The following JAKMIP2 variants were observed in gnomAD, a reference collection of about 807,000 sequenced individuals.
JAKMIP2 encodes the protein janus kinase and microtubule interacting protein 2.
In JAKMIP2, 25 loss-of-function variants were observed where a neutral mutation model predicts 115.0. That is an observed-to-expected ratio of 0.22 (90% CI 0.16 to 0.30). The LOEUF is 0.30. Ranked by LOEUF, JAKMIP2 falls within the 10% of genes least tolerant of loss-of-function variation. The probability of loss-of-function intolerance (pLI) is 1.00; values close to 1 mark genes in which losing one functional copy is unlikely to be tolerated. For missense variants in JAKMIP2, 642 were observed against 957.6 expected, an observed-to-expected ratio of 0.67 and a Z score of 4.35; for synonymous variants, 334 against 343.6, an observed-to-expected ratio of 0.97 and a Z score of 0.31.
intron 1 of JAKMIP2, among the ~76,000 whole-genome samples, chr5:147,710,419 G>A (rs1020488164): frequency 2.0e-5 from 3 of 152,146 alleles, no homozygotes; most frequent in Non-Finnish European, 4.4e-5. Flanking sequence ...TTTATATACA[G>A]CAAAATGTCA....
intron 3 of JAKMIP2, among the ~76,000 whole-genome samples, chr5:147,656,272 A>C (rs1362248809): frequency 6.6e-6 from 1 of 152,172 alleles, no homozygotes; most frequent in African/African-American, 2.4e-5. Context: ...TGATCTGTCT[A>C]ATGTTGACAG....
At chr5:147,773,387 T>C (rs1755437865) in intron 1 of JAKMIP2, among the ~76,000 whole-genome samples, 1 of 152,158 alleles carries the variant, frequency 6.6e-6, no homozygotes, top group African/African-American at 2.4e-5. Flanking sequence ...TACAGTTGAC[T>C]ACACGGCCAA....
intron 21 of JAKMIP2, among the ~76,000 whole-genome samples, chr5:147,592,587 C>T (rs1022422254): frequency 1.3e-5 from 2 of 152,120 alleles, no homozygotes; most frequent in African/African-American, 4.8e-5. Flanking sequence ...GCTATCATGT[C>T]CTACTTAAGG....
At chr5:147,681,837 C>A (rs990808003) in intron 1 of JAKMIP2, among the ~76,000 whole-genome samples, 1 of 151,852 alleles carries the variant, frequency 6.6e-6, no homozygotes, top group Admixed American at 6.6e-5. Flanking sequence ...AGTCCAGGAG[C>A]TCCAGACCAG....
chr5:147,698,923 T>C (rs558223833), intron 1 of JAKMIP2, among the ~76,000 whole-genome samples: 1 of 152,264 alleles, frequency 6.6e-6, no homozygotes, highest in East Asian at 1.9e-4. Flanking sequence ...CATAGAAAAA[T>C]GCCACCTCCT....
At chr5:147,592,910 G>A (rs908528881) in intron 21 of JAKMIP2, among the ~76,000 whole-genome samples, 6 of 152,190 alleles carry the variant, frequency 3.9e-5, no homozygotes, top group African/African-American at 1.2e-4. Flanking sequence ...CCCAAGACAA[G>A]GTTAGACTGG....
chr5:147,678,499 T>C (rs1760091449), intron 1 of JAKMIP2, among the ~76,000 whole-genome samples: 1 of 152,260 alleles, frequency 6.6e-6, no homozygotes, highest in Non-Finnish European at 1.5e-5. Flanking sequence ...TAGTACTTTA[T>C]ACCACATTCT....
At position 147,782,391 on chromosome 5, in the gene JAKMIP2, A is replaced by G. The variant is rs1354370309; in HGVS notation, c.-149+65T>C. 2.7e-6 allele frequency: 4 copies of G among 1,493,780 alleles called. No homozygotes were observed. The East Asian group carries it at 7.4e-5, about 28-fold the overall frequency. The allele number at this position is 1,493,780 out of a possible 1,614,324, so 92.5% of individuals were successfully genotyped here. On this transcript the variant is annotated intron_variant, in intron 1 of 21. Coordinates refer to ENST00000616793, the MANE Select transcript of JAKMIP2 (RefSeq NM_001270941.2). The stretch of plus-strand genomic sequence containing the variant: ...GTCATTGTTCAAGTTCAGGCCAGAA[A>G]TGTATACACAGGTCAAATAAGAACA...
At position 147,591,701 on chromosome 5, in the gene JAKMIP2, A is replaced by G. The variant is rs771930793; in HGVS notation, c.*21-15T>C. 8 of 1,510,124 alleles carry G rather than the reference A, an allele frequency of 5.3e-6. No individual in the cohort carries two copies. The highest frequency in any genetic ancestry group is 4.2e-5 in the African/African-American group (3 of 72,218). 93.5% of individuals were successfully genotyped at this position (1,510,124 alleles called of 1,614,324 possible). A position where few individuals can be genotyped will look rare whatever the true frequency, so the allele number is the denominator to read the frequency against. ...TTTCGGTTACTCTGCAAAACAGAGG[A>G]AAAAAATTATTTATATATCAATTTT... On this transcript the variant is annotated splice_polypyrimidine_tract_variant and intron_variant, in intron 21 of 21. Transcript: ENST00000616793.
Position 147,616,714 on chromosome 5 carries a change from C to T in JAKMIP2, c.2346+1197G>A, listed in dbSNP as rs74984843. 6.5e-3 allele frequency among the ~76,000 whole-genome samples: 982 copies of T among 152,222 alleles called. 53 individuals are homozygous for T. The East Asian group carries it at 0.13, about 20-fold the overall frequency. Reference sequence around the variant, plus strand: ...TAAGAAGTCTTTCCATGGGTCAAAACTCAAACTTTTGTGATGGAATCTGAA... The same window carrying T: ...TAAGAAGTCTTTCCATGGGTCAAAATTCAAACTTTTGTGATGGAATCTGAA... On this transcript the variant is annotated intron_variant, in intron 19 of 21. Transcript: ENST00000616793.
In JAKMIP2 at chr5:147,591,489, G is replaced by T; in HGVS notation, c.*218C>A. 1 of 636,658 alleles carries T rather than the reference G, an allele frequency of 1.6e-6. No individual in the cohort carries two copies. Among genetic ancestry groups the T allele is most frequent in the Non-Finnish European group, 2.8e-6 (1 of 355,028 alleles). The allele number at this position is 636,658 out of a possible 1,614,324, so 39.4% of individuals were successfully genotyped here. A position where few individuals can be genotyped will look rare whatever the true frequency, so the allele number is the denominator to read the frequency against. ...TGTTTCATTAAATGCAGCATATATT[G>T]TAGATTTTCAACAGGGTTGTGTAGG... On this transcript the variant is annotated 3_prime_UTR_variant, in exon 22 of 22. Coordinates refer to ENST00000616793, the MANE Select transcript of JAKMIP2 (RefSeq NM_001270941.2).
intron 3 of JAKMIP2, among the ~76,000 whole-genome samples, chr5:147,654,695 A>G (rs924982619): frequency 6.6e-6 from 1 of 152,128 alleles, no homozygotes; most frequent in African/African-American, 2.4e-5. Context: ...CTATCTGAAT[A>G]CGCTTGATTT....
chr5:147,715,179 A>C (rs968133929), intron 1 of JAKMIP2, among the ~76,000 whole-genome samples: 14 of 152,210 alleles, frequency 9.2e-5, no homozygotes, highest in African/African-American at 3.4e-4. Context: ...TTAATAGAAG[A>C]AATTGAATGA....
At chr5:147,644,237 A>G in intron 6 of JAKMIP2, 39 bp from the exon 7 acceptor site, 1 of 1,473,536 alleles carries the variant, frequency 6.8e-7, no homozygotes, top group Non-Finnish European at 9.1e-7. Context: ...GGAGACTTTA[A>G]AAACCTCAAA....
chr5:147,712,508 T>C (rs1752820360), intron 1 of JAKMIP2, among the ~76,000 whole-genome samples: 1 of 152,160 alleles, frequency 6.6e-6, no homozygotes, highest in African/African-American at 2.4e-5. Flanking sequence ...ATGAAACCCA[T>C]TGAAAAAATA....
At chr5:147,724,833 T>C (rs547927067) in intron 1 of JAKMIP2, among the ~76,000 whole-genome samples, 1 of 152,236 alleles carries the variant, frequency 6.6e-6, no homozygotes, top group South Asian at 2.1e-4. Context: ...CATAGATAGA[T>C]AAAAAACAAG....
At chr5:147,658,772 G>C (rs13162410) in intron 3 of JAKMIP2, among the ~76,000 whole-genome samples, 38,396 of 151,910 alleles carry the variant, frequency 0.25, 6,133 homozygotes, top group East Asian at 0.46. Context: ...CAGCCGCTTT[G>C]CTGTGCTGTG....
rs567763791 is a variant in JAKMIP2 at position 147,776,558 on chromosome 5, T to C, written c.-149+5898A>G. ...TCCTTATAGTAGTGTGAGAACGGAC[T>C]AATACACTTGGTTTATTCTGAGAAG... On this transcript the variant is annotated intron_variant, in intron 1 of 21. Coordinates refer to ENST00000616793, the MANE Select transcript of JAKMIP2 (RefSeq NM_001270941.2). Among the ~76,000 whole-genome samples, 9 of 152,326 alleles carry C rather than the reference T, an allele frequency of 5.9e-5. No individual in the cohort carries two copies. In the South Asian group the frequency reaches 1.0e-3, roughly 18 times the overall value.
intron 1 of JAKMIP2, among the ~76,000 whole-genome samples, chr5:147,703,619 A>G (rs1452755501): frequency 2.0e-5 from 3 of 148,454 alleles, no homozygotes; most frequent in African/African-American, 7.5e-5. Flanking sequence ...TAGTGACAAG[A>G]CCTCACTATG....
Sources: gnomAD v4.1 joint callset for allele counts (sites outside exome capture counted in the v4.1 genomes callset) on GRCh38, gnomAD v4.1.1 for gene constraint, MANE v1.5 for transcripts, NCBI Gene and HGNC (gene_info 2026-07-23, HGNC 2026-07-21) for gene names.